GALNTL6: variants seen among roughly 807,000 people sequenced by gnomAD.
GALNTL6 encodes the protein polypeptide N-acetylgalactosaminyltransferase like 6, also known as polypeptide N-acetylgalactosaminyltransferase-like 6.
A neutral mutation model predicts 73.7 loss-of-function variants in GALNTL6; 46 were observed. The ratio of observed to expected loss-of-function variants is 0.62; its 90% CI spans 0.49 to 0.80. The LOEUF (loss-of-function observed/expected upper bound fraction) is 0.80, where lower values mean the gene tolerates loss of function less well. Among genes scored for constraint, GALNTL6 ranks in the 30% least tolerant of loss-of-function variants. The pLI is 0.00. For synonymous variants in GALNTL6, 259 were observed against 263.7 expected, an observed-to-expected ratio of 0.98 and a Z score of 0.17; for missense variants, 604 against 755.0, an observed-to-expected ratio of 0.80 and a Z score of 2.34.
At chr4:172,662,515 G>A (rs937593875) in intron 5 of GALNTL6, among the ~76,000 whole-genome samples, 6 of 152,174 alleles carry the variant, frequency 3.9e-5, no homozygotes, top group Admixed American at 1.3e-4. Flanking sequence ...CTCAGTCAAC[G>A]GGAAACCTGG....
At chr4:172,423,253 A>G (rs1395358599) in intron 5 of GALNTL6, among the ~76,000 whole-genome samples, 1 of 152,050 alleles carries the variant, frequency 6.6e-6, no homozygotes, top group Non-Finnish European at 1.5e-5. Flanking sequence ...GTGGTTCTTT[A>G]AAATATGTCA....
intron 5 of GALNTL6, among the ~76,000 whole-genome samples, chr4:172,413,541 A>G (rs896891175): frequency 2.6e-5 from 4 of 152,206 alleles, no homozygotes; most frequent in African/African-American, 7.2e-5. Context: ...ATATTTCCAC[A>G]TGGCAGCATG....
chr4:172,210,220 C>T (rs1736277856), intron 2 of GALNTL6, among the ~76,000 whole-genome samples: 1 of 151,916 alleles, frequency 6.6e-6, no homozygotes, highest in Non-Finnish European at 1.5e-5. Context: ...CCTTCTAAAC[C>T]CAAAACCCAG....
chr4:171,908,299 G>GA (rs201008097), intron 2 of GALNTL6, among the ~76,000 whole-genome samples: 2,394 of 151,342 alleles, frequency 0.016, 26 homozygotes, highest in Non-Finnish European at 0.027. Context: ...AAATTTACAA[G>GA]AAAAAAAACA....
At chr4:172,517,112 A>G (rs980528550) in intron 5 of GALNTL6, among the ~76,000 whole-genome samples, 1 of 151,940 alleles carries the variant, frequency 6.6e-6, no homozygotes, top group Non-Finnish European at 1.5e-5. Context: ...TTGCACAACC[A>G]TGTGAACATG....
intron 7 of GALNTL6, among the ~76,000 whole-genome samples, chr4:172,863,062 C>G (rs963018946): frequency 6.6e-6 from 1 of 152,192 alleles, no homozygotes; most frequent in African/African-American, 2.4e-5. Context: ...TGCAGGTGCA[C>G]AGAAGTCAAG....
chr4:173,009,966 T>C, intron 11 of GALNTL6, among the ~76,000 whole-genome samples: 1 of 152,208 alleles, frequency 6.6e-6, no homozygotes, highest in East Asian at 1.9e-4. Flanking sequence ...TAAAATGGTG[T>C]CCATCCCCTC....
At chr4:172,931,822 T>G (rs192758210) in intron 9 of GALNTL6, among the ~76,000 whole-genome samples, 1 of 152,360 alleles carries the variant, frequency 6.6e-6, no homozygotes, top group African/African-American at 2.4e-5. Context: ...AATATTGTTT[T>G]GAATAAAACC....
chr4:172,694,783 C>T (rs1733582656), intron 5 of GALNTL6, among the ~76,000 whole-genome samples: 1 of 152,302 alleles, frequency 6.6e-6, no homozygotes, highest in African/African-American at 2.4e-5. Context: ...ATTATTTCTT[C>T]CTCCAGTGAT....
At chr4:172,583,927 G>T in intron 5 of GALNTL6, among the ~76,000 whole-genome samples, 1 of 147,762 alleles carries the variant, frequency 6.8e-6, no homozygotes. Context: ...AAAATCAGAT[G>T]CTGGGCAGTA....
intron 2 of GALNTL6, among the ~76,000 whole-genome samples, chr4:171,930,996 G>T (rs1738167640): frequency 6.6e-6 from 1 of 152,182 alleles, no homozygotes; most frequent in African/African-American, 2.4e-5. Flanking sequence ...TAAGTCTTTA[G>T]TGGGAATCTC....
At chr4:172,605,596 A>G (rs1738222486) in intron 5 of GALNTL6, among the ~76,000 whole-genome samples, 1 of 152,186 alleles carries the variant, frequency 6.6e-6, no homozygotes, top group African/African-American at 2.4e-5. Context: ...AGAATCCAGG[A>G]CATTCCAGGC....
At chr4:172,639,106 G>T (rs1457643410) in intron 5 of GALNTL6, among the ~76,000 whole-genome samples, 1 of 152,134 alleles carries the variant, frequency 6.6e-6, no homozygotes, top group Non-Finnish European at 1.5e-5. Context: ...CCACTGCAAA[G>T]TTAGTTTTCT....
At position 173,030,940 on chromosome 4, in the gene GALNTL6, T is replaced by C. The variant is rs80075699; in HGVS notation, c.1639-8993T>C. ...TCACATGAACCTGGAAGGACTAGGC[T>C]ACAGTGAGTCATGCCACTGCACTCC... On this transcript the variant is annotated intron_variant, in intron 12 of 12. Coordinates refer to ENST00000506823, the MANE Select transcript of GALNTL6 (RefSeq NM_001034845.3). Among the ~76,000 whole-genome samples the C allele has an allele frequency of 2.4e-3, 365 of 151,224 alleles. 4 individuals carry two copies. The East Asian group carries it at 0.051, about 21-fold the overall frequency.
At chr4:172,543,184 T>A (rs1735634872) in intron 5 of GALNTL6, among the ~76,000 whole-genome samples, 3 of 152,116 alleles carry the variant, frequency 2.0e-5, no homozygotes, top group Non-Finnish European at 4.4e-5. Flanking sequence ...GATTTCAAAG[T>A]CAACAAGAAA....
intron 2 of GALNTL6, among the ~76,000 whole-genome samples, chr4:172,073,610 A>G (rs940400401): frequency 6.6e-6 from 1 of 152,240 alleles, no homozygotes; most frequent in Non-Finnish European, 1.5e-5. Context: ...ACCTGGGGAA[A>G]TAAACAAAGG....
At chr4:172,897,190 T>A (rs1185057477) in intron 8 of GALNTL6, among the ~76,000 whole-genome samples, 1 of 152,136 alleles carries the variant, frequency 6.6e-6, no homozygotes, top group African/African-American at 2.4e-5. Flanking sequence ...GAAAGCCTGG[T>A]CTCATTGGCT....
chr4:172,062,865 A>G (rs1413594177), intron 2 of GALNTL6, among the ~76,000 whole-genome samples: 1 of 152,204 alleles, frequency 6.6e-6, no homozygotes, highest in Non-Finnish European at 1.5e-5. Context: ...TGGCATCATA[A>G]TTCATCACTC....
At chr4:172,046,088 T>G (rs1367526438) in intron 2 of GALNTL6, among the ~76,000 whole-genome samples, 2 of 152,058 alleles carry the variant, frequency 1.3e-5, no homozygotes, top group Non-Finnish European at 2.9e-5. Context: ...TTATAATCAT[T>G]TCATTCATTG....
Sources: gnomAD v4.1 joint callset for allele counts (sites outside exome capture counted in the v4.1 genomes callset) on GRCh38, gnomAD v4.1.1 for gene constraint, MANE v1.5 for transcripts, NCBI Gene and HGNC (gene_info 2026-07-23, HGNC 2026-07-21) for gene names.